The following PTPRD variants were observed in gnomAD, a reference collection of about 807,000 sequenced individuals.
The protein encoded by PTPRD is receptor-type tyrosine-protein phosphatase delta.
Under a neutral mutation model 214.5 loss-of-function variants are expected in PTPRD, and 34 were observed. The ratio of observed to expected loss-of-function variants is 0.16; its 90% CI spans 0.12 to 0.21. The LOEUF is 0.21. Ranked by LOEUF, PTPRD falls within the 10% of genes least tolerant of loss-of-function variation. The pLI is 1.00. For missense variants in PTPRD, 2,545 were observed against 2,398.7 expected (o/e 1.06, Z -1.27); for synonymous variants, 1,128 against 845.7 (o/e 1.33, Z -5.79).
At position 9,870,250 on chromosome 9, in the gene PTPRD, A is replaced by G. The variant is rs927041894; in HGVS notation, c.-368+68257T>C. On this transcript the variant is annotated intron_variant, in intron 5 of 45. Transcript: ENST00000381196. ...AAATTCCCGAATAAAAAGATTTTTA[A>G]AATTCAAAGAATCTTGATATAAAAA... 9.9e-5 allele frequency among the ~76,000 whole-genome samples: 15 copies of G among 152,214 alleles called. No individual in the cohort carries two copies. The East Asian group carries it at 2.9e-3, about 29-fold the overall frequency.
At chr9:9,076,581 A>G (rs1309665278) in intron 10 of PTPRD, among the ~76,000 whole-genome samples, 2 of 152,040 alleles carry the variant, frequency 1.3e-5, no homozygotes, top group African/African-American at 4.8e-5. Context: ...ATTATTTCAC[A>G]TAATATAATG....
chr9:9,203,127 G>A (rs1473195107), intron 9 of PTPRD, among the ~76,000 whole-genome samples: 1 of 152,106 alleles, frequency 6.6e-6, no homozygotes, highest in Non-Finnish European at 1.5e-5. Context: ...CTACTTGGGA[G>A]GCTGAGGCAG....
chr9:8,901,219 A>G (rs1366906427), intron 11 of PTPRD, among the ~76,000 whole-genome samples: 1 of 152,164 alleles, frequency 6.6e-6, no homozygotes. Context: ...ACACAAATCT[A>G]ACATTTGCAT....
intron 11 of PTPRD, among the ~76,000 whole-genome samples, chr9:8,984,168 T>C (rs551736502): frequency 4.6e-5 from 7 of 152,116 alleles, no homozygotes; most frequent in Admixed American, 2.0e-4. Context: ...GACATGTAAT[T>C]TTTATTGAGT....
rs1161290475 is a variant in PTPRD at position 9,029,191 on chromosome 9, T to C, written c.-142-10456A>G. 9.9e-5 allele frequency among the ~76,000 whole-genome samples: 15 copies of C among 151,968 alleles called. 1 individual carries two copies. The highest frequency in any genetic ancestry group is 1.5e-5 in the Non-Finnish European group (1 of 67,940). On this transcript the variant is annotated intron_variant, in intron 10 of 45. Transcript: ENST00000381196. Reference sequence around the variant, plus strand: ...ACATATTTATTGTTACATTTTATAATATGACTACTAGAAAATTTAAATTAT... The same window carrying C: ...ACATATTTATTGTTACATTTTATAACATGACTACTAGAAAATTTAAATTAT...
At position 9,348,613 on chromosome 9, in the gene PTPRD, G is replaced by A. The variant is rs191612150; in HGVS notation, c.-203+48836C>T. 2.0e-4 allele frequency among the ~76,000 whole-genome samples: 31 copies of A among 152,210 alleles called. 2 individuals are homozygous for A. The South Asian group carries it at 5.4e-3, about 26-fold the overall frequency. Reference sequence around the variant, plus strand: ...CTTCAGACACACTGTGTAATGGGACGTTGGGGACAGGAGTTGGGGTAAGAG... The same window carrying A: ...CTTCAGACACACTGTGTAATGGGACATTGGGGACAGGAGTTGGGGTAAGAG... On this transcript the variant is annotated intron_variant, in intron 9 of 45. Transcript: ENST00000381196.
chr9:10,415,428 T>C (rs965234507), intron 2 of PTPRD, among the ~76,000 whole-genome samples: 1 of 151,928 alleles, frequency 6.6e-6, no homozygotes, highest in African/African-American at 2.4e-5. Context: ...TGGACTCTTT[T>C]ATATTTGCCA....
At chr9:9,852,026 C>G (rs73641381) in intron 5 of PTPRD, among the ~76,000 whole-genome samples, 207 of 152,076 alleles carry the variant, frequency 1.4e-3, no homozygotes, top group Non-Finnish European at 2.3e-3. Context: ...TCCTGAAGTA[C>G]AGAATATAGT....
chr9:9,286,116 G>T (rs559687655), intron 9 of PTPRD, among the ~76,000 whole-genome samples: 1 of 151,600 alleles, frequency 6.6e-6, no homozygotes, highest in East Asian at 2.0e-4. Flanking sequence ...GTGACAACCC[G>T]GATATTCTAT....
intron 11 of PTPRD, among the ~76,000 whole-genome samples, chr9:8,929,733 GTA>G (rs758580880): frequency 1.1e-5 from 1 of 95,090 alleles, no homozygotes; most frequent in Non-Finnish European, 2.0e-5. Flanking sequence ...ATATATATGT[GTA>G]TATATATGTG....
chr9:9,819,365 G>A (rs576964540), intron 5 of PTPRD, among the ~76,000 whole-genome samples: 102 of 152,248 alleles, frequency 6.7e-4, no homozygotes, highest in Non-Finnish European at 1.1e-3. Context: ...ATGAACTTTG[G>A]CGGAGGTTTA....
At chr9:9,753,381 T>G (rs1392358520) in intron 6 of PTPRD, among the ~76,000 whole-genome samples, 1 of 152,040 alleles carries the variant, frequency 6.6e-6, no homozygotes, top group Non-Finnish European at 1.5e-5. Flanking sequence ...AGAGCTGGTA[T>G]AGTTAAGTGT....
intron 11 of PTPRD, among the ~76,000 whole-genome samples, chr9:9,004,006 G>A (rs1422184555): frequency 6.6e-6 from 1 of 151,962 alleles, no homozygotes; most frequent in South Asian, 2.1e-4. Flanking sequence ...TAAATCATTT[G>A]CTGCATTGCA....
chr9:9,162,416 C>A (rs2099891580), intron 10 of PTPRD, among the ~76,000 whole-genome samples: 1 of 152,102 alleles, frequency 6.6e-6, no homozygotes, highest in African/African-American at 2.4e-5. Flanking sequence ...TACTTAAAAC[C>A]ACTGGGGGAA....
chr9:10,418,156 AATGGT>A (rs1412223556), intron 2 of PTPRD, among the ~76,000 whole-genome samples: 1 of 151,824 alleles, frequency 6.6e-6, no homozygotes, highest in Non-Finnish European at 1.5e-5. Flanking sequence ...AAAGAAGCAT[AATGGT>A]ATAATTATAA....
At chr9:8,342,123 T>A in intron 39 of PTPRD, 145 bp from the exon 40 acceptor site, 1 of 824,194 alleles carries the variant, frequency 1.2e-6, no homozygotes, top group Non-Finnish European at 1.8e-6. Flanking sequence ...TGTAATACTC[T>A]AAAGTCAAAA....
intron 2 of PTPRD, among the ~76,000 whole-genome samples, chr9:10,541,587 G>C (rs1394785599): frequency 6.6e-6 from 1 of 151,508 alleles, no homozygotes; most frequent in Non-Finnish European, 1.5e-5. Context: ...TAAAGAAAAA[G>C]TTAGTTACCA....
chr9:10,004,475 C>T (rs896553795), intron 4 of PTPRD, among the ~76,000 whole-genome samples: 3 of 151,780 alleles, frequency 2.0e-5, no homozygotes, highest in Non-Finnish European at 2.9e-5. Flanking sequence ...CTTTTCTTTT[C>T]ACATAAAAAT....
intron 9 of PTPRD, among the ~76,000 whole-genome samples, chr9:9,388,050 C>T (rs1357965231): frequency 6.6e-6 from 1 of 152,056 alleles, no homozygotes; most frequent in Non-Finnish European, 1.5e-5. Context: ...AGAATTGGAT[C>T]ACACGTGGGC....
Sources: gnomAD v4.1 joint callset for allele counts (sites outside exome capture counted in the v4.1 genomes callset) on GRCh38, gnomAD v4.1.1 for gene constraint, MANE v1.5 for transcripts, NCBI Gene and HGNC (gene_info 2026-07-23, HGNC 2026-07-21) for gene names.